KSR1: variants seen among roughly 807,000 people sequenced by gnomAD.
The protein encoded by KSR1 is kinase suppressor of ras.
In KSR1, 35 loss-of-function variants were observed where a neutral mutation model predicts 92.9. That is an observed-to-expected ratio of 0.38 (90% CI 0.29 to 0.50). The LOEUF (loss-of-function observed/expected upper bound fraction) is 0.50, where lower values mean the gene tolerates loss of function less well. Ranked by LOEUF, KSR1 falls within the 20% of genes least tolerant of loss-of-function variation. The probability of loss-of-function intolerance (pLI) is 0.94; values close to 1 mark genes in which losing one functional copy is unlikely to be tolerated. For synonymous variants in KSR1, 467 were observed against 472.6 expected, an observed-to-expected ratio of 0.99 and a Z score of 0.15; for missense variants, 972 against 1,158.5, an observed-to-expected ratio of 0.84 and a Z score of 2.34.
chr17:27,456,493 C>G lies in KSR1; in HGVS notation c.-151C>G, dbSNP rs2019163356. Reference sequence around the variant, plus strand: ...GCTGCCGCGGCTGGGAGGGTGGAAGCGGCAGACTCAGCGGCCGGCTCTACC... The same window carrying G: ...GCTGCCGCGGCTGGGAGGGTGGAAGGGGCAGACTCAGCGGCCGGCTCTACC... On this transcript the variant is annotated 5_prime_UTR_variant, in exon 1 of 21. Coordinates refer to ENST00000644974, the MANE Select transcript of KSR1 (RefSeq NM_001394583.1). 1 of 396,062 alleles carries G rather than the reference C, an allele frequency of 2.5e-6. No homozygotes were observed. The highest frequency in any genetic ancestry group is 2.1e-5 in the African/African-American group (1 of 47,532). The allele number at this position is 396,062 out of a possible 1,614,324, so 24.5% of individuals were successfully genotyped here. A position where few individuals can be genotyped will look rare whatever the true frequency, so the allele number is the denominator to read the frequency against.
chr17:27,521,780 C>T, intron 1 of KSR1, among the ~76,000 whole-genome samples: 1 of 152,204 alleles, frequency 6.6e-6, no homozygotes, highest in Non-Finnish European at 1.5e-5. Context: ...ACCAGGTCTC[C>T]TGACGTCTGA....
intron 20 of KSR1, chr17:27,623,098 C>A: frequency 3.4e-6 from 2 of 593,374 alleles, no homozygotes; most frequent in Non-Finnish European, 6.0e-6. Context: ...ATGAATGAGC[C>A]ACCGTTGCTG....
In KSR1 at chr17:27,511,801, G is replaced by A. The variant is rs975619213; in HGVS notation, c.232-38767G>A. On this transcript the variant is annotated intron_variant, in intron 1 of 20. Transcript: ENST00000644974. ...TGCATCCCGTCTCACCGGCGAGACC[G>A]TTGGTGTGATGAGCTGCAAGCATCC... is the stretch of plus-strand genomic sequence containing the variant. 3.3e-5 allele frequency among the ~76,000 whole-genome samples: 5 copies of A among 152,236 alleles called. 1 individual carries two copies. Among genetic ancestry groups the A allele is most frequent in the South Asian group, 2.1e-4 (1 of 4,836 alleles).
intron 2 of KSR1, among the ~76,000 whole-genome samples, chr17:27,574,359 G>A (rs1465781263): frequency 6.6e-6 from 1 of 152,220 alleles, no homozygotes; most frequent in Non-Finnish European, 1.5e-5. Flanking sequence ...AGTGGTTCCT[G>A]TGACACTTTA....
intron 1 of KSR1, among the ~76,000 whole-genome samples, chr17:27,463,371 G>C (rs1175799185): frequency 6.6e-6 from 1 of 151,876 alleles, no homozygotes; most frequent in African/African-American, 2.4e-5. Flanking sequence ...AGCCATGCAT[G>C]GTGGCACGCT....
chr17:27,556,361 G>A (rs1172978454), intron 2 of KSR1, among the ~76,000 whole-genome samples: 3 of 151,830 alleles, frequency 2.0e-5, no homozygotes, highest in Non-Finnish European at 4.4e-5. Context: ...CTGCAGATGT[G>A]CGCACCACTG....
chr17:27,485,156 T>A (rs1449459684), intron 1 of KSR1, among the ~76,000 whole-genome samples: 2 of 152,206 alleles, frequency 1.3e-5, no homozygotes, highest in Admixed American at 6.5e-5. Flanking sequence ...TGGCTGTCTG[T>A]CATGGGGGCA....
intron 1 of KSR1, among the ~76,000 whole-genome samples, chr17:27,517,801 G>GGATGGA (rs1160072032): frequency 2.0e-5 from 3 of 152,162 alleles, no homozygotes; most frequent in Non-Finnish European, 4.4e-5. Flanking sequence ...TCTAACTGAG[G>GGATGGA]GATGGAGTGC....
intron 5 of KSR1, among the ~76,000 whole-genome samples, chr17:27,586,430 G>T (rs930583199): frequency 6.6e-6 from 1 of 152,184 alleles, no homozygotes; most frequent in Non-Finnish European, 1.5e-5. Context: ...AGCTGTGGGC[G>T]GGGTCTTGGG....
chr17:27,526,283 A>G (rs992681234), intron 1 of KSR1: 9 of 775,962 alleles, frequency 1.2e-5, no homozygotes, highest in East Asian at 5.2e-5. Context: ...CTACCACTCA[A>G]ATTTTCCTAG....
intron 1 of KSR1, 29 bp from the exon 2 acceptor site, chr17:27,550,539 C>G: frequency 1.3e-6 from 1 of 762,462 alleles, no homozygotes; most frequent in Non-Finnish European, 2.4e-6. Context: ...CAGATGAACA[C>G]AGGCTTTTCT....
Position 27,605,499 on chromosome 17 carries a change from G to A in KSR1, c.1680G>A (p.Pro560=), listed in dbSNP as rs751567695. ...EDDEDEVDDL[P]SSRRPWRGPI... is the part of the protein sequence containing the mutation. ...ATGAGGACGAGGTGGACGACTTGCC[G>A]AGCTCTCGCCGGCCCTGGCGGGGCC... is the stretch of plus-strand genomic sequence containing the variant. The change falls in exon 14 of 21, where the codon CCG becomes CCA. Residue 560 remains proline (P), a synonymous_variant. Transcript: ENST00000644974. 138 of 1,605,088 alleles carry A rather than the reference G, an allele frequency of 8.6e-5. 2 individuals carry two copies. In the East Asian group the frequency reaches 2.7e-3, roughly 31 times the overall value.
chr17:27,593,230 A>G (rs2073227790), intron 9 of KSR1, among the ~76,000 whole-genome samples: 1 of 152,240 alleles, frequency 6.6e-6, no homozygotes, highest in Admixed American at 6.5e-5. Context: ...GAGTCTGCAA[A>G]GCCTGTGTCC....
intron 10 of KSR1, among the ~76,000 whole-genome samples, chr17:27,599,582 C>A (rs1567873462): frequency 6.6e-6 from 1 of 152,124 alleles, no homozygotes; most frequent in Admixed American, 6.5e-5. Context: ...GTCAATTGTT[C>A]TTTATTTGTA....
intron 1 of KSR1, among the ~76,000 whole-genome samples, chr17:27,543,349 TGCTATGGGGCACCA>T (rs2071036139): frequency 6.6e-6 from 1 of 152,128 alleles, no homozygotes; most frequent in African/African-American, 2.4e-5. Flanking sequence ...CCAGGACCCA[TGCTATGGGGCACCA>T]GCTATGGAGA....
intron 1 of KSR1, among the ~76,000 whole-genome samples, chr17:27,479,034 TCCTC>T (rs923132594): frequency 1.3e-5 from 2 of 149,016 alleles, no homozygotes; most frequent in Non-Finnish European, 3.0e-5. Context: ...CCCTCCGTGC[TCCTC>T]CCTCCATCCA....
chr17:27,613,885 C>T (rs539245393), intron 18 of KSR1, among the ~76,000 whole-genome samples: 1 of 152,344 alleles, frequency 6.6e-6, no homozygotes, highest in South Asian at 2.1e-4. Context: ...CTCACTGCAA[C>T]CTCTGCTTCC....
intron 1 of KSR1, among the ~76,000 whole-genome samples, chr17:27,505,091 C>G (rs1399779862): frequency 6.6e-6 from 1 of 152,130 alleles, no homozygotes; most frequent in Non-Finnish European, 1.5e-5. Context: ...GGGATTGGGA[C>G]GGGAGCCCTG....
chr17:27,526,378 C>G (rs2070299329), intron 1 of KSR1: 2 of 1,464,320 alleles, frequency 1.4e-6, no homozygotes, highest in Non-Finnish European at 1.8e-6. Context: ...AGAGCCACCC[C>G]CAAAGTCTTA....
Sources: gnomAD v4.1 joint callset for allele counts (sites outside exome capture counted in the v4.1 genomes callset) on GRCh38, gnomAD v4.1.1 for gene constraint, MANE v1.5 for transcripts, NCBI Gene and HGNC (gene_info 2026-07-23, HGNC 2026-07-21) for gene names.